Variants in PAX3 observed in about 807,000 individuals in gnomAD.
The protein encoded by PAX3 is paired box protein Pax-3.
PAX3 carries 14 observed loss-of-function variants against 51.6 expected under a neutral mutation model. That is an observed-to-expected ratio of 0.27 (90% CI 0.18 to 0.42). The LOEUF (loss-of-function observed/expected upper bound fraction) is 0.42, where lower values mean the gene tolerates loss of function less well. PAX3 is among the 10% of genes least tolerant of loss of function. The probability of loss-of-function intolerance (pLI) is 1.00; values close to 1 mark genes in which losing one functional copy is unlikely to be tolerated. For synonymous variants in PAX3, 280 were observed against 253.4 expected, an observed-to-expected ratio of 1.11 and a Z score of -1.00; for missense variants, 540 against 642.8, an observed-to-expected ratio of 0.84 and a Z score of 1.73.
chr2:222,208,463 C>G (rs889361443), intron 7 of PAX3, among the ~76,000 whole-genome samples: 1 of 152,120 alleles, frequency 6.6e-6, no homozygotes, highest in African/African-American at 2.4e-5. Flanking sequence ...TTTACAGAAG[C>G]TCTGTCCAGG....
intron 4 of PAX3, among the ~76,000 whole-genome samples, chr2:222,249,808 G>A (rs1276970921): frequency 1.3e-5 from 2 of 152,128 alleles, no homozygotes; most frequent in African/African-American, 2.4e-5. Flanking sequence ...TGCCCTTCCT[G>A]CTAATGACAC....
At chr2:222,210,401 C>T (rs1205677137) in intron 7 of PAX3, among the ~76,000 whole-genome samples, 1 of 152,012 alleles carries the variant, frequency 6.6e-6, no homozygotes, top group Non-Finnish European at 1.5e-5. Flanking sequence ...GTCTTTGAGG[C>T]GAGTATCTTG....
intron 4 of PAX3, among the ~76,000 whole-genome samples, chr2:222,241,303 G>A (rs1470691916): frequency 1.3e-5 from 2 of 152,162 alleles, no homozygotes; most frequent in African/African-American, 4.8e-5. Context: ...CTTATCGCGG[G>A]CTGGCCATCA....
At chr2:222,242,630 A>T (rs1693060364) in intron 4 of PAX3, 2 of 152,204 alleles carry the variant, frequency 1.3e-5, no homozygotes. Flanking sequence ...ACTGTGGCCA[A>T]TATCTTCACT....
intron 4 of PAX3, among the ~76,000 whole-genome samples, chr2:222,283,281 A>T (rs573198197): frequency 6.6e-6 from 1 of 152,214 alleles, no homozygotes; most frequent in Non-Finnish European, 1.5e-5. Flanking sequence ...GGTGCAGAAA[A>T]GTTTATATTG....
chr2:222,248,249 G>A (rs763786907), intron 4 of PAX3, among the ~76,000 whole-genome samples: 3 of 152,132 alleles, frequency 2.0e-5, no homozygotes, highest in Non-Finnish European at 4.4e-5. Context: ...TCACTTTATG[G>A]CATTTAAAGT....
intron 4 of PAX3, among the ~76,000 whole-genome samples, chr2:222,252,336 C>T (rs1693466405): frequency 6.6e-6 from 1 of 152,178 alleles, no homozygotes; most frequent in African/African-American, 2.4e-5. Context: ...CACCAGGTGC[C>T]ATGCCAAGCA....
intron 4 of PAX3, chr2:222,287,563 T>C (rs1363319664): frequency 6.6e-6 from 1 of 152,252 alleles, no homozygotes; most frequent in African/African-American, 2.4e-5. Context: ...ACTTGAACTC[T>C]GTATGTATAC....
chr2:222,274,868 C>G (rs142059869), intron 4 of PAX3, among the ~76,000 whole-genome samples: 1 of 152,276 alleles, frequency 6.6e-6, no homozygotes, highest in East Asian at 1.9e-4. Context: ...CACGCCATAT[C>G]TCTCATAAAT....
intron 5 of PAX3, among the ~76,000 whole-genome samples, chr2:222,222,157 G>T (rs1037647136): frequency 4.6e-5 from 7 of 152,038 alleles, no homozygotes; most frequent in African/African-American, 1.4e-4. Context: ...CAAGTATTTT[G>T]TATGAGTCAA....
chr2:222,253,380 T>C (rs1027096089), intron 4 of PAX3, among the ~76,000 whole-genome samples: 1 of 152,212 alleles, frequency 6.6e-6, no homozygotes, highest in African/African-American at 2.4e-5. Flanking sequence ...CATTAGTCTG[T>C]TGACTTTCTC....
chr2:222,274,366 A>G (rs1694348351), intron 4 of PAX3, among the ~76,000 whole-genome samples: 1 of 151,906 alleles, frequency 6.6e-6, no homozygotes, highest in Admixed American at 6.6e-5. Flanking sequence ...AATCCCTCTG[A>G]CCAACTATAA....
At chr2:222,272,926 C>A (rs962277071) in intron 4 of PAX3, among the ~76,000 whole-genome samples, 17 of 152,166 alleles carry the variant, frequency 1.1e-4, no homozygotes, top group Non-Finnish European at 1.5e-5. Flanking sequence ...ATTACCCTTG[C>A]CAGGTTTCTC....
At chr2:222,221,449 A>T in intron 5 of PAX3, 62 bp from the exon 6 acceptor site, 4 of 1,451,640 alleles carry the variant, frequency 2.8e-6, no homozygotes, top group East Asian at 2.3e-5. Flanking sequence ...TTCTTAATGA[A>T]TTTTTTATGC....
chr2:222,207,825 C>T (rs1301513870), intron 7 of PAX3, among the ~76,000 whole-genome samples: 2 of 152,164 alleles, frequency 1.3e-5, no homozygotes, highest in East Asian at 3.9e-4. Context: ...ACCATAGATA[C>T]TTGTTCTTAA....
chr2:222,223,919 G>A (rs752521683), intron 5 of PAX3, among the ~76,000 whole-genome samples: 8 of 152,262 alleles, frequency 5.3e-5, no homozygotes, highest in Middle Eastern at 6.8e-3. Flanking sequence ...GAGTGGTGAA[G>A]CCTGATCTCT....
intron 7 of PAX3, 118 bp from the exon 8 acceptor site, chr2:222,202,308 G>T: frequency 2.4e-6 from 2 of 833,378 alleles, no homozygotes; most frequent in Non-Finnish European, 4.0e-6. Context: ...TGGTTAAAGA[G>T]CTGTCCAGGA....
intron 4 of PAX3, among the ~76,000 whole-genome samples, chr2:222,256,276 TTC>T (rs1478244954): frequency 6.6e-6 from 1 of 152,140 alleles, no homozygotes; most frequent in Non-Finnish European, 1.5e-5. Context: ...CAGGAAGATT[TTC>T]TCTGTTTACA....
At chr2:222,237,561 T>A (rs6717432) in intron 4 of PAX3, among the ~76,000 whole-genome samples, 17,848 of 152,200 alleles carry the variant, frequency 0.12, 1,132 homozygotes, top group East Asian at 0.19. Flanking sequence ...ATTCAACAAA[T>A]ACTTATTTAA....
Sources: gnomAD v4.1 joint callset for allele counts (sites outside exome capture counted in the v4.1 genomes callset) on GRCh38, gnomAD v4.1.1 for gene constraint, MANE v1.5 for transcripts, NCBI Gene and HGNC (gene_info 2026-07-23, HGNC 2026-07-21) for gene names.